The following NCOR2 variants were observed in gnomAD, a reference collection of about 807,000 sequenced individuals.
The protein encoded by NCOR2 is CTG repeat protein 26.
A neutral mutation model predicts 262.9 loss-of-function variants in NCOR2; 81 were observed. That is an observed-to-expected ratio of 0.31 (90% CI 0.26 to 0.37). The LOEUF is 0.37. Among genes scored for constraint, NCOR2 ranks in the 10% least tolerant of loss-of-function variants. The probability of loss-of-function intolerance (pLI) is 1.00; values close to 1 mark genes in which losing one functional copy is unlikely to be tolerated. For missense variants in NCOR2, 3,385 were observed against 3,621.4 expected (o/e 0.93, Z 1.68); for synonymous variants, 1,659 against 1,559.3 (o/e 1.06, Z -1.51).
rs749518211 is a variant in NCOR2, at chr12:124,356,704, CG to C, written c.3178del (p.Arg1060ValfsTer3). 2.7e-6 allele frequency: 4 copies of C among 1,489,994 alleles called. No homozygotes were observed. Among genetic ancestry groups the C allele is most frequent in the East Asian group, 2.7e-5 (1 of 36,624 alleles). 92.3% of individuals were successfully genotyped at this position (1,489,994 alleles called of 1,614,324 possible). A position where few individuals can be genotyped will look rare whatever the true frequency, so the allele number is the denominator to read the frequency against. Reference sequence around the variant, plus strand: ...ATGCGGGGAGGCCTTGATCACCTCACGGGGGGGCACGGGGAAGGGCAGGCCG... The same window carrying C: ...ATGCGGGGAGGCCTTGATCACCTCACGGGGGGCACGGGGAAGGGCAGGCCG... On this transcript the variant is annotated frameshift_variant, in exon 23 of 47. Transcript: ENST00000405201. LOFTEE classifies it high-confidence loss of function.
At chr12:124,325,376 C>CGCCCCCGG in exon 47 of NCOR2, 1 of 426,506 alleles carries the variant, frequency 2.3e-6, no homozygotes, top group Non-Finnish European at 3.4e-6. Context: ...GACCTGACAC[C>CGCCCCCGG]GCCCCCCCCC....
chr12:124,340,311 G>A, exon 36 of NCOR2: 1 of 1,611,994 alleles, frequency 6.2e-7, no homozygotes, highest in Non-Finnish European at 8.5e-7. Context: ...CCAGATGGGT[G>A]CGTGCTCCAC....
At chr12:124,336,996 C>T (rs753831136) in exon 38 of NCOR2, 24 of 1,509,794 alleles carry the variant, frequency 1.6e-5, no homozygotes, top group African/African-American at 2.8e-5. Context: ...GGGGGCTTGG[C>T]GAGGAAGGCA....
At chr12:124,513,466 A>C (rs2049533757) in intron 1 of NCOR2, 1 of 152,244 alleles carries the variant, frequency 6.6e-6, no homozygotes, top group Non-Finnish European at 1.5e-5. Context: ...CCGCCTCGGA[A>C]GATAGGGATA....
At chr12:124,506,547 C>T (rs1325451159) in intron 1 of NCOR2, among the ~76,000 whole-genome samples, 1 of 151,290 alleles carries the variant, frequency 6.6e-6, no homozygotes, top group Non-Finnish European at 1.5e-5. Context: ...AGGACGAACC[C>T]TCCCTGCACT....
chr12:124,480,331 G>C (rs2136769242), intron 3 of NCOR2, among the ~76,000 whole-genome samples: 1 of 152,314 alleles, frequency 6.6e-6, no homozygotes, highest in African/African-American at 2.4e-5. Context: ...ACAAGGATTA[G>C]GATGCCACCT....
Position 124,466,386 on chromosome 12 carries a change from C to T in NCOR2, c.592-100G>A, listed in dbSNP as rs555478573. 3.5e-4 allele frequency: 353 copies of T among 1,021,668 alleles called. 1 individual carries two copies. The African/African-American group carries it at 4.0e-3, about 11-fold the overall frequency. 63.3% of individuals were successfully genotyped at this position (1,021,668 alleles called of 1,614,324 possible). Reference sequence around the variant, plus strand: ...GGAGGCCCCCTTGCAGCCCGGGCCACGGCCGCGCACAGGAAGTCAGGCTGC... The same window carrying T: ...GGAGGCCCCCTTGCAGCCCGGGCCATGGCCGCGCACAGGAAGTCAGGCTGC... On this transcript the variant is annotated intron_variant, in intron 4 of 46. Transcript: ENST00000405201.
At chr12:124,374,387 C>T (rs776716904) in intron 19 of NCOR2, 26 bp downstream of exon 21, 11 of 1,611,228 alleles carry the variant, frequency 6.8e-6, no homozygotes, top group Non-Finnish European at 8.5e-6. Flanking sequence ...GGCCCTACCC[C>T]CCAGGCCAGC....
Position 124,404,780 on chromosome 12 carries a change from T to A in NCOR2, c.1483-2219A>T, listed in dbSNP as rs537290655. 2.0e-5 allele frequency among the ~76,000 whole-genome samples: 3 copies of A among 152,292 alleles called. No homozygotes were observed. In the South Asian group the frequency reaches 6.2e-4, roughly 32 times the overall value. ...GTGCCCAGCACTGTGCTGTCCATTT[T>A]CTATGGGCCGGCTCCTGGCCCCTCT... On this transcript the variant is annotated intron_variant, in intron 13 of 46. Coordinates refer to ENST00000405201, the Ensembl canonical transcript of NCOR2.
At chr12:124,399,218 G>C (rs2041862914) in intron 15 of NCOR2, among the ~76,000 whole-genome samples, 1 of 152,092 alleles carries the variant, frequency 6.6e-6, no homozygotes, top group Non-Finnish European at 1.5e-5. Flanking sequence ...CACAGCCTGG[G>C]CCTCTCTGGG....
intron 11 of NCOR2, among the ~76,000 whole-genome samples, chr12:124,426,107 C>T (rs1331564685): frequency 2.0e-5 from 3 of 152,372 alleles, no homozygotes; most frequent in Non-Finnish European, 2.9e-5. Context: ...AGTGCCCCGT[C>T]TTACATCCAG....
At chr12:124,420,139 T>C in intron 12 of NCOR2, 84 bp from the exon 15 acceptor site, 8 of 1,143,854 alleles carry the variant, frequency 7.0e-6, no homozygotes, top group African/African-American at 1.5e-5. Flanking sequence ...CCTGGGCTCA[T>C]ATCCTGCCTC....
Position 124,503,762 on chromosome 12 carries a change from G to A in NCOR2, c.-117-8394C>T, listed in dbSNP as rs1259044406. Reference sequence around the variant, plus strand: ...CGGATGGATGCATGGATGCATGGATGGATGGATGGATGGATGGGCGGATGG... The same window carrying A: ...CGGATGGATGCATGGATGCATGGATAGATGGATGGATGGATGGGCGGATGG... On this transcript the variant is annotated intron_variant, in intron 1 of 46. Transcript: ENST00000404621. This position sits in a 1 kb window ranked among gnomAD's most constrained non-coding sequence, Gnocchi z 4.3. Among the ~76,000 whole-genome samples, 6 of 122,596 alleles carry A rather than the reference G, an allele frequency of 4.9e-5. No homozygotes were observed. The highest frequency in any genetic ancestry group is 9.6e-5 in the Non-Finnish European group (5 of 52,154). 80.4% of individuals were successfully genotyped at this position (122,596 alleles called of 152,430 possible).
In NCOR2 at chr12:124,531,802, G is replaced by A. The variant is rs1359098539; in HGVS notation, c.-118+3763C>T. Among the ~76,000 whole-genome samples, 1 of 137,072 alleles carries A rather than the reference G, an allele frequency of 7.3e-6. No individual in the cohort carries two copies. The highest frequency in any genetic ancestry group is 1.6e-5 in the Non-Finnish European group (1 of 64,318). The allele number at this position is 137,072 out of a possible 152,430, so 89.9% of individuals were successfully genotyped here. A position where few individuals can be genotyped will look rare whatever the true frequency, so the allele number is the denominator to read the frequency against. ...ACACCTTCGGTGTCCCCGATCACCCGCCCAGGGTACCCCGAGACCCCAGCC... is the reference window on the plus strand; with the variant it reads ...ACACCTTCGGTGTCCCCGATCACCCACCCAGGGTACCCCGAGACCCCAGCC... On this transcript the variant is annotated intron_variant, in intron 1 of 46. Transcript: ENST00000404621. The surrounding 1 kb of genome is among the most constrained non-coding windows in gnomAD (Gnocchi z 4.5).
intron 1 of NCOR2, among the ~76,000 whole-genome samples, chr12:124,507,928 TG>T (rs2049140248): frequency 6.6e-6 from 1 of 152,196 alleles, no homozygotes; most frequent in Non-Finnish European, 1.5e-5. Context: ...TTCTCCTCCA[TG>T]CACGCAGGCC....
chr12:124,345,996 G>T lies in NCOR2; in HGVS notation c.4359+568C>A, dbSNP rs193201480. Among the ~76,000 whole-genome samples the T allele has an allele frequency of 3.4e-3, 478 of 141,684 alleles. 1 individual carries two copies. The highest frequency in any genetic ancestry group is 0.011 in the African/African-American group (453 of 40,880). The allele number at this position is 141,684 out of a possible 152,430, so 93.0% of individuals were successfully genotyped here. A position where few individuals can be genotyped will look rare whatever the true frequency, so the allele number is the denominator to read the frequency against. On this transcript the variant is annotated intron_variant, in intron 31 of 46. Coordinates refer to ENST00000405201, the Ensembl canonical transcript of NCOR2. The stretch of plus-strand genomic sequence containing the variant: ...TTCCCCTACTGAGCTGGGGCCGCCT[G>T]GGGGGACTGGGGCCTCTTGTGGTGC...
intron 1 of NCOR2, among the ~76,000 whole-genome samples, chr12:124,520,874 G>A (rs570408930): frequency 1.4e-3 from 207 of 152,290 alleles, no homozygotes; most frequent in African/African-American, 4.6e-3. Context: ...GAGCTTTGAC[G>A]GTGGGAAAGA....
chr12:124,381,667 C>T (rs1034512164), intron 17 of NCOR2, among the ~76,000 whole-genome samples: 1 of 152,254 alleles, frequency 6.6e-6, no homozygotes, highest in Non-Finnish European at 1.5e-5. Context: ...GATTTGAATG[C>T]AGGCCAGCTT....
intron 1 of NCOR2, among the ~76,000 whole-genome samples, chr12:124,524,140 GGT>G (rs1427184006): frequency 4.6e-5 from 7 of 152,198 alleles, no homozygotes; most frequent in Non-Finnish European, 7.3e-5. Flanking sequence ...GCTATAAAAT[GGT>G]GACAGCCAGT....
Sources: allele counts gnomAD v4.1 joint callset (sites outside exome capture counted in the v4.1 genomes callset), GRCh38; gene constraint gnomAD v4.1.1; non-coding constraint Gnocchi (gnomAD v3.1); transcripts MANE v1.5; gene names NCBI Gene and HGNC (gene_info 2026-07-23, HGNC 2026-07-21).